Variants in USH2A observed in about 807,000 individuals in gnomAD.
USH2A encodes usherin.
In USH2A, 443 loss-of-function variants were observed where a neutral mutation model predicts 538.9. The ratio of observed to expected loss-of-function variants is 0.82; its 90% CI spans 0.76 to 0.89. USH2A has a LOEUF of 0.89. USH2A is among the 40% of genes least tolerant of loss of function. The probability of loss-of-function intolerance (pLI) is 0.00; values close to 1 mark genes in which losing one functional copy is unlikely to be tolerated. For synonymous variants in USH2A, 2,413 were observed against 2,273.5 expected, an observed-to-expected ratio of 1.06 and a Z score of -1.75; for missense variants, 6,633 against 6,324.8, an observed-to-expected ratio of 1.05 and a Z score of -1.65.
intron 44 of USH2A, among the ~76,000 whole-genome samples, chr1:215,865,789 T>C (rs1245904657): frequency 6.6e-6 from 1 of 152,228 alleles, no homozygotes; most frequent in Non-Finnish European, 1.5e-5. Context: ...ATGGATTATT[T>C]TGTGGAAACA....
At chr1:216,382,775 A>G (rs1402582576) in intron 3 of USH2A, among the ~76,000 whole-genome samples, 2 of 152,164 alleles carry the variant, frequency 1.3e-5, no homozygotes. Flanking sequence ...CCTTGGAAAT[A>G]GGGGTTTGGG....
At chr1:216,102,682 C>A (rs1194813696) in intron 21 of USH2A, among the ~76,000 whole-genome samples, 8 of 152,104 alleles carry the variant, frequency 5.3e-5, no homozygotes, top group Non-Finnish European at 1.2e-4. Flanking sequence ...CGCCTGTAGT[C>A]CCAGCTACTC....
At chr1:216,417,462 A>G (rs1388498739) in intron 3 of USH2A, among the ~76,000 whole-genome samples, 2 of 152,008 alleles carry the variant, frequency 1.3e-5, no homozygotes, top group Admixed American at 6.6e-5. Context: ...CTCATGTCCA[A>G]TTGTAATCCC....
intron 20 of USH2A, among the ~76,000 whole-genome samples, chr1:216,189,540 T>C (rs2102654264): frequency 6.6e-6 from 1 of 152,172 alleles, no homozygotes; most frequent in East Asian, 1.9e-4. Context: ...ATCAGGTTTG[T>C]ATGAATCCAG....
chr1:216,259,212 G>T (rs555184197), intron 11 of USH2A, among the ~76,000 whole-genome samples: 1 of 152,094 alleles, frequency 6.6e-6, no homozygotes, highest in Non-Finnish European at 1.5e-5. Context: ...TGCACACTGC[G>T]ATGTTTAGAA....
At position 215,661,765 on chromosome 1, in the gene USH2A, C is replaced by T. The variant is rs532002918; in HGVS notation, c.14133+9207G>A. The stretch of plus-strand genomic sequence containing the variant: ...GTGGAATGATTTTAGTCAAGTACCT[C>T]TTTAATATCAAGGTGCCACCTGTCC... On this transcript the variant is annotated intron_variant, in intron 64 of 71. Transcript: ENST00000307340. 9.2e-5 allele frequency among the ~76,000 whole-genome samples: 14 copies of T among 152,234 alleles called. 1 individual carries two copies. The highest frequency in any genetic ancestry group is 2.9e-4 in the African/African-American group (12 of 41,542).
intron 63 of USH2A, among the ~76,000 whole-genome samples, chr1:215,671,951 A>C (rs17025035): frequency 0.016 from 2,426 of 152,254 alleles, 26 homozygotes; most frequent in Middle Eastern, 0.037. Flanking sequence ...AGCCTCCCTT[A>C]CATGATACAA....
chr1:216,212,741 A>G (rs1206315479), intron 15 of USH2A, among the ~76,000 whole-genome samples: 3 of 151,208 alleles, frequency 2.0e-5, no homozygotes, highest in African/African-American at 2.4e-5. Flanking sequence ...GTGTGTGTGT[A>G]TATGTGTATA....
rs746606828 is a variant in USH2A at position 216,083,544 on chromosome 1, T to A, written c.5210A>T (p.Asn1737Ile). The A allele has an allele frequency of 2.5e-6, 4 of 1,612,472 alleles. No individual in the cohort carries two copies. Among genetic ancestry groups the A allele is most frequent in the Non-Finnish European group, 1.7e-6 (2 of 1,179,140 alleles). ...TCTGAACTTAAAGGAAATCTCAAAG[T>A]TCATTCCACCATGAAACATATATGG... ...LHPYMFHGGM[N>I]FEISFKFRTD... The change falls in exon 26 of 72, where the codon AAC (asparagine) becomes ATC (isoleucine). Residue 1737 changes from asparagine to isoleucine, a missense_variant. Coordinates refer to ENST00000307340, the MANE Select transcript of USH2A (RefSeq NM_206933.4).
At chr1:215,668,354 CTAA>C (rs1212639299) in intron 64 of USH2A, among the ~76,000 whole-genome samples, 1 of 152,190 alleles carries the variant, frequency 6.6e-6, no homozygotes, top group Non-Finnish European at 1.5e-5. Flanking sequence ...CTAAATGAAA[CTAA>C]TATTTTCTGA....
Position 216,175,406 on chromosome 1 carries a change from T to C in USH2A, c.4473A>G (p.Glu1491=), listed in dbSNP as rs748269362. 10 of 1,613,818 alleles carry C rather than the reference T, an allele frequency of 6.2e-6. No individual in the cohort carries two copies. The highest frequency in any genetic ancestry group is 7.6e-6 in the Non-Finnish European group (9 of 1,179,872). Reference sequence around the variant, plus strand: ...ATATAGGAGAGGGTCCATTCAGTTCTTCAGGTGGAAACCACCTAAGATGGA... The same window carrying C: ...ATATAGGAGAGGGTCCATTCAGTTCCTCAGGTGGAAACCACCTAAGATGGA... ...TTIHLRWFPP[E]ELNGPSPIYQ... The change falls in exon 21 of 72, where the codon GAA becomes GAG. Residue 1491 remains glutamate, a synonymous_variant. Transcript: ENST00000307340.
intron 38 of USH2A, among the ~76,000 whole-genome samples, chr1:215,922,643 A>G (rs1461835093): frequency 2.0e-5 from 3 of 151,964 alleles, no homozygotes. Flanking sequence ...ATGGAATCTC[A>G]TTAAAACACA....
intron 56 of USH2A, among the ~76,000 whole-genome samples, chr1:215,766,456 C>T (rs1180736909): frequency 6.6e-6 from 1 of 152,112 alleles, no homozygotes; most frequent in Admixed American, 6.5e-5. Flanking sequence ...CTTCTTTCCA[C>T]AGAAAATCAA....
At chr1:215,829,821 T>A (rs1255052104) in intron 47 of USH2A, among the ~76,000 whole-genome samples, 1 of 152,192 alleles carries the variant, frequency 6.6e-6, no homozygotes, top group Non-Finnish European at 1.5e-5. Flanking sequence ...TGCCAATATT[T>A]GGTTATGAAT....
intron 37 of USH2A, among the ~76,000 whole-genome samples, chr1:215,962,977 T>C (rs761175604): frequency 3.2e-4 from 49 of 152,120 alleles, no homozygotes; most frequent in Non-Finnish European, 5.9e-4. Flanking sequence ...CAATTTCTCC[T>C]GCAAAATAGT....
intron 40 of USH2A, among the ~76,000 whole-genome samples, chr1:215,895,415 T>C (rs965825807): frequency 1.3e-5 from 2 of 152,138 alleles, no homozygotes; most frequent in African/African-American, 4.8e-5. Context: ...GAAGGAAAAC[T>C]TCACAGAGGA....
intron 20 of USH2A, among the ~76,000 whole-genome samples, chr1:216,186,936 T>A (rs529393073): frequency 6.6e-6 from 1 of 151,832 alleles, no homozygotes; most frequent in African/African-American, 2.4e-5. Context: ...ATTGCCTTTT[T>A]AAAAAAGTCT....
At chr1:216,013,282 C>A (rs200181244) in intron 32 of USH2A, among the ~76,000 whole-genome samples, 1 of 144,462 alleles carries the variant, frequency 6.9e-6, no homozygotes, top group Non-Finnish European at 1.5e-5. Context: ...TACCACAAGA[C>A]CTCCCTTCAG....
chr1:215,843,490 A>G (rs1445713088), intron 46 of USH2A, among the ~76,000 whole-genome samples: 1 of 152,094 alleles, frequency 6.6e-6, no homozygotes, highest in Non-Finnish European at 1.5e-5. Context: ...TTTTAAGGCC[A>G]GTAGCCCCTG....
Sources: allele counts gnomAD v4.1 joint callset (sites outside exome capture counted in the v4.1 genomes callset), GRCh38; gene constraint gnomAD v4.1.1; transcripts MANE v1.5; gene names NCBI Gene and HGNC (gene_info 2026-07-23, HGNC 2026-07-21).